Variants in ANGPT1 observed in about 807,000 individuals in gnomAD.
ANGPT1 encodes angiopoietin-1.
Under a neutral mutation model 62.2 loss-of-function variants are expected in ANGPT1, and 17 were observed. The observed-to-expected ratio is 0.27, with a 90% CI of 0.19 to 0.41. The LOEUF is 0.41. Among genes scored for constraint, ANGPT1 ranks in the 10% least tolerant of loss-of-function variants. The pLI is 1.00. For synonymous variants in ANGPT1, 199 were observed against 198.9 expected (o/e 1.00, Z 0.00); for missense variants, 478 against 594.9 (o/e 0.80, Z 2.04).
chr8:107,441,236 C>A (rs1283506534), intron 1 of ANGPT1, among the ~76,000 whole-genome samples: 1 of 152,280 alleles, frequency 6.6e-6, no homozygotes, highest in South Asian at 2.1e-4. Flanking sequence ...GTCTATCTAT[C>A]CTTAATCATC....
rs1282716619 is a variant in ANGPT1, at chr8:107,257,484, G to A, written c.1337-5469C>T. On this transcript the variant is annotated intron_variant, in intron 8 of 8. Coordinates refer to ENST00000517746, the MANE Select transcript of ANGPT1 (RefSeq NM_001146.5). ...GGAAATCTAACTCTTAAATTCTTCTGATTCTAAACAAAACACCTCTCAACA... is the reference window on the plus strand; with the variant it reads ...GGAAATCTAACTCTTAAATTCTTCTAATTCTAAACAAAACACCTCTCAACA... Among the ~76,000 whole-genome samples, 3 of 152,216 alleles carry A rather than the reference G, an allele frequency of 2.0e-5. No individual in the cohort carries two copies. The East Asian group carries it at 5.8e-4, about 29-fold the overall frequency.
intron 1 of ANGPT1, among the ~76,000 whole-genome samples, chr8:107,365,586 A>G (rs533897139): frequency 6.6e-6 from 1 of 152,276 alleles, no homozygotes; most frequent in East Asian, 1.9e-4. Flanking sequence ...CTACTGGTCT[A>G]ACATGGAAAG....
At chr8:107,476,792 C>T (rs1812543738) in intron 1 of ANGPT1, among the ~76,000 whole-genome samples, 1 of 152,142 alleles carries the variant, frequency 6.6e-6, no homozygotes, top group South Asian at 2.1e-4. Flanking sequence ...CTGAGCAAAG[C>T]ACTCTTGTGA....
At chr8:107,373,953 C>T (rs1010774419) in intron 1 of ANGPT1, among the ~76,000 whole-genome samples, 1 of 152,218 alleles carries the variant, frequency 6.6e-6, no homozygotes, top group Non-Finnish European at 1.5e-5. Context: ...TCGTGAAATG[C>T]TTCTTTCTCC....
intron 1 of ANGPT1, among the ~76,000 whole-genome samples, chr8:107,382,670 T>G (rs1816662309): frequency 6.6e-6 from 1 of 152,140 alleles, no homozygotes. Context: ...AATTGGCTCT[T>G]GTAAGCCTAT....
At chr8:107,374,763 C>T (rs1190848367) in intron 1 of ANGPT1, among the ~76,000 whole-genome samples, 1 of 152,204 alleles carries the variant, frequency 6.6e-6, no homozygotes, top group Non-Finnish European at 1.5e-5. Context: ...GACCTGATCC[C>T]ACCCTCAGTC....
At chr8:107,483,960 A>G (rs564917317) in intron 1 of ANGPT1, among the ~76,000 whole-genome samples, 205 of 152,364 alleles carry the variant, frequency 1.3e-3, no homozygotes, top group Middle Eastern at 6.8e-3. Flanking sequence ...GGGATGGGAA[A>G]GATGCCTAGG....
intron 7 of ANGPT1, among the ~76,000 whole-genome samples, chr8:107,283,360 G>A (rs1814062136): frequency 1.3e-5 from 2 of 151,906 alleles, no homozygotes; most frequent in African/African-American, 2.4e-5. Flanking sequence ...CCCCCACCAT[G>A]AGACTATCAA....
At chr8:107,349,512 C>T (rs935438702) in intron 1 of ANGPT1, among the ~76,000 whole-genome samples, 4 of 152,112 alleles carry the variant, frequency 2.6e-5, no homozygotes, top group South Asian at 2.1e-4. Context: ...ACAGATAAGT[C>T]TCCATTATAA....
At chr8:107,472,084 C>G (rs1027103567) in intron 1 of ANGPT1, among the ~76,000 whole-genome samples, 12 of 151,880 alleles carry the variant, frequency 7.9e-5, no homozygotes, top group African/African-American at 2.9e-4. Flanking sequence ...AATAATGTCC[C>G]TAAATTGAGA....
At chr8:107,352,473 A>G (rs1237165189) in intron 1 of ANGPT1, among the ~76,000 whole-genome samples, 2 of 152,194 alleles carry the variant, frequency 1.3e-5, no homozygotes, top group East Asian at 3.9e-4. Context: ...ATTCTCCATC[A>G]TGAGAGAGAA....
At chr8:107,264,404 A>T (rs1413450831) in intron 7 of ANGPT1, 53 bp from the exon 8 acceptor site, 1 of 1,571,678 alleles carries the variant, frequency 6.4e-7, no homozygotes, top group Non-Finnish European at 8.6e-7. Flanking sequence ...GAATAACAGA[A>T]CCCAGAAGAC....
chr8:107,358,187 A>G (rs113813260), intron 1 of ANGPT1, among the ~76,000 whole-genome samples: 4,089 of 152,276 alleles, frequency 0.027, 81 homozygotes, highest in Non-Finnish European at 0.037. Context: ...ATGTCATTGT[A>G]TAATAAACAT....
intron 1 of ANGPT1, among the ~76,000 whole-genome samples, chr8:107,442,136 T>G (rs536243398): frequency 6.6e-6 from 1 of 152,268 alleles, no homozygotes; most frequent in Non-Finnish European, 1.5e-5. Flanking sequence ...GGTCATGTTT[T>G]AGCTGGAAGT....
At chr8:107,415,663 C>G (rs376542091) in intron 1 of ANGPT1, among the ~76,000 whole-genome samples, 9 of 152,176 alleles carry the variant, frequency 5.9e-5, no homozygotes, top group South Asian at 2.1e-4. Flanking sequence ...GAGTATATCA[C>G]TGATAAGGTA....
chr8:107,435,172 T>C (rs900209214), intron 1 of ANGPT1, among the ~76,000 whole-genome samples: 7 of 152,162 alleles, frequency 4.6e-5, no homozygotes, highest in Non-Finnish European at 8.8e-5. Flanking sequence ...GAAATTTGAT[T>C]GTGGTGCAAA....
At chr8:107,364,652 T>A (rs1319838027) in intron 1 of ANGPT1, among the ~76,000 whole-genome samples, 1 of 152,176 alleles carries the variant, frequency 6.6e-6, no homozygotes, top group African/African-American at 2.4e-5. Context: ...GAGAATCCAT[T>A]CTTCTAATGG....
At chr8:107,448,347 C>T (rs528277914) in intron 1 of ANGPT1, among the ~76,000 whole-genome samples, 2 of 152,214 alleles carry the variant, frequency 1.3e-5, no homozygotes, top group South Asian at 2.1e-4. Context: ...GAAATAGAGG[C>T]TATATTGACA....
chr8:107,370,981 A>T (rs1816398205), intron 1 of ANGPT1, among the ~76,000 whole-genome samples: 1 of 152,078 alleles, frequency 6.6e-6, no homozygotes, highest in African/African-American at 2.4e-5. Flanking sequence ...TAAAAAAAAA[A>T]AAAGCAATAT....
Sources: gnomAD v4.1 joint callset for allele counts (sites outside exome capture counted in the v4.1 genomes callset) on GRCh38, gnomAD v4.1.1 for gene constraint, MANE v1.5 for transcripts, NCBI Gene and HGNC (gene_info 2026-07-23, HGNC 2026-07-21) for gene names.